Variants in KDM4A observed in about 807,000 individuals in gnomAD.
KDM4A encodes the protein lysine-specific demethylase 4A.
Under a neutral mutation model 127.1 loss-of-function variants are expected in KDM4A, and 23 were observed. The observed-to-expected ratio is 0.18, with a 90% CI of 0.13 to 0.26. The LOEUF (loss-of-function observed/expected upper bound fraction) is 0.26. Ranked by LOEUF, KDM4A falls within the 10% of genes least tolerant of loss-of-function variation. KDM4A has a pLI of 1.00. For synonymous variants in KDM4A, 443 were observed against 466.5 expected (o/e 0.95, Z 0.65); for missense variants, 890 against 1,329.1 (o/e 0.67, Z 5.14).
intron 9 of KDM4A, among the ~76,000 whole-genome samples, chr1:43,668,605 C>G (rs543443622): frequency 6.6e-6 from 1 of 152,116 alleles, no homozygotes; most frequent in African/African-American, 2.4e-5. Flanking sequence ...GTGCGAAGGT[C>G]GGGCTCCCTC....
intron 13 of KDM4A, among the ~76,000 whole-genome samples, chr1:43,689,340 T>C (rs1282788433): frequency 6.6e-6 from 1 of 152,206 alleles, no homozygotes; most frequent in East Asian, 1.9e-4. Context: ...GCACATGCAG[T>C]CATCACAGAC....
chr1:43,653,015 G>C lies in KDM4A; in HGVS notation c.-39-122G>C. 5.9e-6 allele frequency: 3 copies of C among 506,258 alleles called. No homozygotes were observed. The Admixed American group carries it at 1.2e-4, about 21-fold the overall frequency. 31.4% of individuals were successfully genotyped at this position (506,258 alleles called of 1,614,324 possible). Reference sequence around the variant, plus strand: ...TAACTTTTCTAGAGGTAGATTCCAGGTGTGAAGTCTTAACTGTGTCTTTTG... The same window carrying C: ...TAACTTTTCTAGAGGTAGATTCCAGCTGTGAAGTCTTAACTGTGTCTTTTG... On this transcript the variant is annotated intron_variant, in intron 1 of 21. Coordinates refer to ENST00000372396, the MANE Select transcript of KDM4A (RefSeq NM_014663.3).
At chr1:43,661,185 G>C (rs1201590261) in intron 4 of KDM4A, among the ~76,000 whole-genome samples, 1 of 151,870 alleles carries the variant, frequency 6.6e-6, no homozygotes, top group Non-Finnish European at 1.5e-5. Flanking sequence ...ATGTTGCTCA[G>C]GCTGGTTTTA....
chr1:43,662,942 G>A lies in KDM4A; in HGVS notation c.478G>A (p.Val160Met), dbSNP rs771797849. ...IGRLRTILDL[V>M]EKESGITIEG... ...CCGGCTGAGAACAATCCTGGACTTG[G>A]TGGAAAAGGAGAGTGGGATCACCAT... Residue 160 changes from valine to methionine, a missense_variant, in exon 5 of 22, where the codon GTG becomes ATG. Physicochemically the swap from Val to Met is conservative, Grantham distance 21. Around this residue, in one of 7 missense-constraint regions of KDM4A, gnomAD observed 141 missense variants for 273.5 expected, o/e 0.52. Transcript: ENST00000372396. 6.2e-7 allele frequency: 1 copy of A among 1,614,136 alleles called. No homozygotes were observed. The highest frequency in any genetic ancestry group is 2.2e-5 in the East Asian group (1 of 44,882).
intron 11 of KDM4A, among the ~76,000 whole-genome samples, chr1:43,678,097 T>C (rs890772191): frequency 6.6e-6 from 1 of 152,036 alleles, no homozygotes; most frequent in Non-Finnish European, 1.5e-5. Flanking sequence ...TAGGTGGTGG[T>C]GTCATCCATA....
intron 15 of KDM4A, 100 bp from the exon 16 acceptor site, chr1:43,692,156 C>G: frequency 2.9e-6 from 3 of 1,035,462 alleles, no homozygotes; most frequent in Non-Finnish European, 4.6e-6. Context: ...ATGCTTCTTT[C>G]TTATGTGGAG....
rs750358339 is a variant in KDM4A at position 43,671,705 on chromosome 1, T to C, written c.1564T>C (p.Ser522Pro). ...CTCTGGCTCTTCACGGGATTCTATC[T>C]CTTCTGATTCAGAAACTAGTGAGCC... is the stretch of plus-strand genomic sequence containing the variant. Reference protein sequence around the residue: ...LGSGSSRDSISSDSETSEPLS... With the variant: ...LGSGSSRDSIPSDSETSEPLS... Residue 522 changes from serine (S) to proline (P), a missense_variant, in exon 11 of 22, where the codon TCT becomes CCT. Coordinates refer to ENST00000372396, the MANE Select transcript of KDM4A (RefSeq NM_014663.3). 1.9e-6 allele frequency: 3 copies of C among 1,613,604 alleles called. No individual in the cohort carries two copies. In the South Asian group the frequency reaches 3.3e-5, roughly 18 times the overall value.
intron 13 of KDM4A, among the ~76,000 whole-genome samples, chr1:43,689,654 G>A (rs1661064221): frequency 6.6e-6 from 1 of 152,198 alleles, no homozygotes; most frequent in African/African-American, 2.4e-5. Flanking sequence ...CTTCATTGGT[G>A]GATCTCTTTG....
Position 43,659,294 on chromosome 1 carries a change from G to GT in KDM4A, c.315-996dup, listed in dbSNP as rs1274304260. Among the ~76,000 whole-genome samples, 24 of 151,982 alleles carry GT rather than the reference G, an allele frequency of 1.6e-4. No homozygotes were observed. In the East Asian group the frequency reaches 3.7e-3, roughly 23 times the overall value. ...GGCAGCAGAGCAAGGATCTTGTATA[G>GT]TTTTTTTTAAGGTATAGTTTTCTTT... On this transcript the variant is annotated intron_variant, in intron 3 of 21. Transcript: ENST00000372396.
At position 43,694,686 on chromosome 1, in the gene KDM4A, G is replaced by T; in HGVS notation, c.2485-23G>T. 6.3e-7 allele frequency: 1 copy of T among 1,587,932 alleles called. No individual in the cohort carries two copies. Among genetic ancestry groups the T allele is most frequent in the South Asian group, 1.1e-5 (1 of 90,188 alleles). On this transcript the variant is annotated intron_variant, in intron 17 of 21. Coordinates refer to ENST00000372396, the MANE Select transcript of KDM4A (RefSeq NM_014663.3). The surrounding 1 kb of genome is among the most constrained non-coding windows in gnomAD (Gnocchi z 5.2). ...TGCAGTGCCAGTTCCTGCAATCACTGGTTTTCTTCCCCTGTGCTACAGAAA... is the reference window on the plus strand; with the variant it reads ...TGCAGTGCCAGTTCCTGCAATCACTTGTTTTCTTCCCCTGTGCTACAGAAA...
chr1:43,665,205 G>A (rs547605007), intron 5 of KDM4A, among the ~76,000 whole-genome samples: 1 of 152,260 alleles, frequency 6.6e-6, no homozygotes. Flanking sequence ...GAGATAAAGG[G>A]AAAGTGGGTT....
At chr1:43,657,746 TTTTC>T (rs1340108634) in intron 3 of KDM4A, among the ~76,000 whole-genome samples, 2 of 134,408 alleles carry the variant, frequency 1.5e-5, no homozygotes, top group Admixed American at 1.5e-4. Flanking sequence ...AGGCTTTTTC[TTTTC>T]TTTTTTTTTT....
Position 43,667,039 on chromosome 1 carries a change from C to G in KDM4A, c.863C>G (p.Ser288Cys). 6.2e-7 allele frequency: 1 copy of G among 1,614,172 alleles called. No individual in the cohort carries two copies. The highest frequency in any genetic ancestry group is 8.5e-7 in the Non-Finnish European group (1 of 1,180,026). ...AACCATGGTTTTAACTGTGCGGAGT[C>G]TACCAATTTTGCTACCCGTCGGTGG... The part of the protein sequence containing the change: ...GFNHGFNCAE[S>C]TNFATRRWIE... The change falls in exon 8 of 22, where the codon TCT becomes TGT. Residue 288 changes from serine (S) to cysteine (C), a missense_variant. Ser to Cys is a moderately radical substitution (Grantham distance 112). Coordinates refer to ENST00000372396, the MANE Select transcript of KDM4A (RefSeq NM_014663.3).
chr1:43,673,498 A>T (rs1660673023), intron 11 of KDM4A, among the ~76,000 whole-genome samples: 1 of 150,550 alleles, frequency 6.6e-6, no homozygotes, highest in Admixed American at 6.6e-5. Flanking sequence ...GTCCCTTTTT[A>T]TGGTAGGTTT....
At position 43,692,327 on chromosome 1, in the gene KDM4A, A is replaced by T; in HGVS notation, c.2375+16A>T. ...ATGATGACAGGTAAGTTTCCTGAGC[A>T]GTGCCTTGGAATGCACAGGCTCAGT... On this transcript the variant is annotated intron_variant, in intron 16 of 21. Transcript: ENST00000372396. The T allele has an allele frequency of 3.7e-6, 6 of 1,611,468 alleles. No homozygotes were observed. The Middle Eastern group carries it at 1.0e-3, about 275-fold the overall frequency.
intron 12 of KDM4A, among the ~76,000 whole-genome samples, chr1:43,684,891 A>C (rs1424954655): frequency 2.0e-5 from 3 of 152,136 alleles, no homozygotes; most frequent in Non-Finnish European, 4.4e-5. Context: ...GTGGTAGGGA[A>C]TATATTTGGA....
chr1:43,704,802 C>CGTGT lies in KDM4A; in HGVS notation c.*433_*436dup, dbSNP rs1557925623. ...GTGTGTGTGCGTGCGTGCGTGCGTG[C>CGTGT]GTGTATGTTTGGTCTGGACCAGCTT... On this transcript the variant is annotated 3_prime_UTR_variant, in exon 22 of 22. Coordinates refer to ENST00000372396, the MANE Select transcript of KDM4A (RefSeq NM_014663.3). The CGTGT allele has an allele frequency of 6.0e-6, 1 of 167,384 alleles. No homozygotes were observed. The highest frequency in any genetic ancestry group is 6.0e-5 in the Admixed American group (1 of 16,658). 10.4% of individuals were successfully genotyped at this position (167,384 alleles called of 1,614,324 possible). A position where few individuals can be genotyped will look rare whatever the true frequency, so the allele number is the denominator to read the frequency against.
chr1:43,664,606 CCTTT>C (rs1660459671), intron 5 of KDM4A, among the ~76,000 whole-genome samples: 1 of 152,072 alleles, frequency 6.6e-6, no homozygotes, highest in Admixed American at 6.6e-5. Context: ...CAGGGGTTTT[CCTTT>C]CTTCTTTCAA....
chr1:43,701,215 G>A (rs972409628), intron 19 of KDM4A, among the ~76,000 whole-genome samples: 9 of 152,052 alleles, frequency 5.9e-5, no homozygotes, highest in African/African-American at 1.4e-4. Context: ...CACCACGCCC[G>A]GCCATAAATA....
Sources: gnomAD v4.1 joint callset for allele counts (sites outside exome capture counted in the v4.1 genomes callset) on GRCh38, gnomAD v4.1.1 for gene constraint, gnomAD v4.1.1 regional missense constraint, Gnocchi (gnomAD v3.1) non-coding constraint, MANE v1.5 for transcripts, NCBI Gene and HGNC (gene_info 2026-07-23, HGNC 2026-07-21) for gene names.